Variants in KRT79 observed in about 807,000 individuals in gnomAD.
KRT79 encodes the protein keratin 79.
A neutral mutation model predicts 49.0 loss-of-function variants in KRT79; 51 were observed. The ratio of observed to expected loss-of-function variants is 1.04; its 90% CI spans 0.83 to 1.31. The LOEUF (loss-of-function observed/expected upper bound fraction) is 1.31, where lower values mean the gene tolerates loss of function less well. KRT79 is among the 40% of genes most tolerant of loss of function. The probability of loss-of-function intolerance (pLI) is 0.00; values close to 1 mark genes in which losing one functional copy is unlikely to be tolerated. For missense variants in KRT79, 728 were observed against 688.0 expected, an observed-to-expected ratio of 1.06 and a Z score of -0.65; for synonymous variants, 312 against 286.6, an observed-to-expected ratio of 1.09 and a Z score of -0.90.
rs74096642 is a variant in KRT79, at chr12:52,821,995, C to T, written c.1485G>A (p.Gly495=). The change falls in exon 9 of 9, where the codon GGG becomes GGA. Residue 495 remains glycine, a synonymous_variant. Transcript: ENST00000330553. The part of the protein sequence containing the change: ...GGGISLGGSG[G]ATKGGFSTNV... ...TTGTGCTGAATCCACCCTTGGTGGC[C>T]CCCCCACTCCCACCCAGGGAGATGC... 6,152 of 1,614,134 alleles carry T rather than the reference C, an allele frequency of 3.8e-3. 189 individuals are homozygous for T. The African/African-American group carries it at 0.071, about 19-fold the overall frequency.
At chr12:52,823,701 T>C (rs140920440) in intron 6 of KRT79, among the ~76,000 whole-genome samples, 186 bp downstream of exon 6, 90 of 152,316 alleles carry the variant, frequency 5.9e-4, no homozygotes, top group African/African-American at 2.1e-3. Context: ...ATATACCATG[T>C]GACGTTGGAC....
rs144457817 is a variant in KRT79 at position 52,834,196 on chromosome 12, C to T, written c.65G>A (p.Ser22Asn). ...TKGGFSSNSA[S>N]GGSGSQARTS... ...GCGGGCCTGGGACCCACTCCCTCCG[C>T]TGGCAGAGTTGGAGCTGAAGCCCCC... The change falls in exon 1 of 9, where the codon AGC becomes AAC. Residue 22 changes from serine to asparagine, a missense_variant. By Grantham distance (46) the Ser-to-Asn change is conservative. Coordinates refer to ENST00000330553, the MANE Select transcript of KRT79 (RefSeq NM_175834.3). The T allele has an allele frequency of 1.7e-5, 28 of 1,613,804 alleles. No individual in the cohort carries two copies. The highest frequency in any genetic ancestry group is 2.3e-5 in the Non-Finnish European group (27 of 1,180,022).
chr12:52,834,035 C>A lies in KRT79; in HGVS notation c.226G>T (p.Ala76Ser). 6.2e-7 allele frequency: 1 copy of A among 1,613,528 alleles called. No individual in the cohort carries two copies. The highest frequency in any genetic ancestry group is 1.1e-5 in the South Asian group (1 of 91,034). Residue 76 changes from alanine to serine, a missense_variant, in exon 1 of 9, where the codon GCC (alanine) becomes TCC (serine). Coordinates refer to ENST00000330553, the MANE Select transcript of KRT79 (RefSeq NM_175834.3). ...GCCCGCCCCAACAAGGCCCCTCCGG[C>A]CACACTGACAGAGATACTCTTGTGG... ...GGHKSISVSV[A>S]GGALLGRALG...
chr12:52,828,453 A>G (rs1434212963), intron 4 of KRT79, among the ~76,000 whole-genome samples: 1 of 152,232 alleles, frequency 6.6e-6, no homozygotes, highest in Non-Finnish European at 1.5e-5. Context: ...AAATACCTAG[A>G]CTGAAAGTTT....
chr12:52,831,074 A>G (rs937496990), intron 2 of KRT79, among the ~76,000 whole-genome samples: 1 of 137,836 alleles, frequency 7.3e-6, no homozygotes, highest in Non-Finnish European at 1.5e-5. Flanking sequence ...AGGCAAAGGT[A>G]AAAAAAAAAG....
At chr12:52,830,410 G>A in intron 2 of KRT79, 118 bp from the exon 3 acceptor site, 1 of 789,918 alleles carries the variant, frequency 1.3e-6, no homozygotes, top group Non-Finnish European at 2.2e-6. Flanking sequence ...CACCTCTGGG[G>A]AGCAGTTCTT....
Position 52,821,819 on chromosome 12 carries a change from T to G in KRT79, c.*53A>C. 1 of 1,506,760 alleles carries G rather than the reference T, an allele frequency of 6.6e-7. No individual in the cohort carries two copies. The highest frequency in any genetic ancestry group is 9.1e-7 in the Non-Finnish European group (1 of 1,093,314). The allele number at this position is 1,506,760 out of a possible 1,614,324, so 93.3% of individuals were successfully genotyped here. Reference sequence around the variant, plus strand: ...AAGTGACTGGAAAGGACAGCAGAGGTGGGGTGAGGAGGGCAGGGACAGGAT... The same window carrying G: ...AAGTGACTGGAAAGGACAGCAGAGGGGGGGTGAGGAGGGCAGGGACAGGAT... On this transcript the variant is annotated 3_prime_UTR_variant, in exon 9 of 9. Transcript: ENST00000330553.
In KRT79 at chr12:52,823,915, T is replaced by C; in HGVS notation, c.1118A>G (p.Gln373Arg). 1 of 1,613,858 alleles carries C rather than the reference T, an allele frequency of 6.2e-7. No individual in the cohort carries two copies. The highest frequency in any genetic ancestry group is 8.5e-7 in the Non-Finnish European group (1 of 1,179,968). Residue 373 changes from glutamine to arginine, a missense_variant, in exon 6 of 9, where the codon CAG becomes CGG. Coordinates refer to ENST00000330553, the MANE Select transcript of KRT79 (RefSeq NM_175834.3). The stretch of plus-strand genomic sequence containing the variant: ...CTTCTTGGCTGCATCAGCCTCCCCC[T>C]GCAGCCTCTGGATAGTGCGGGTGAG... Reference protein sequence around the residue: ...AELTRTIQRLQGEADAAKKQC... With the variant: ...AELTRTIQRLRGEADAAKKQC...
chr12:52,831,783 T>C (rs1940260083), intron 1 of KRT79, among the ~76,000 whole-genome samples, 157 bp from the exon 2 acceptor site: 1 of 152,152 alleles, frequency 6.6e-6, no homozygotes, highest in Admixed American at 6.5e-5. Flanking sequence ...CTTAGGGGAA[T>C]AGACTGCTGG....
rs1389229198 is a variant in KRT79 at position 52,822,366 on chromosome 12, A to G, written c.1381T>C (p.Cys461Arg). 3 of 1,601,916 alleles carry G rather than the reference A, an allele frequency of 1.9e-6. No individual in the cohort carries two copies. Among genetic ancestry groups the G allele is most frequent in the Non-Finnish European group, 2.6e-6 (3 of 1,173,544 alleles). The change falls in exon 8 of 9, where the codon TGT becomes CGT. Residue 461 changes from cysteine (C) to arginine (R), a missense_variant. By Grantham distance (180) the Cys-to-Arg change is radical (BLOSUM62 -3). Coordinates refer to ENST00000330553, the MANE Select transcript of KRT79 (RefSeq NM_175834.3). ...ESEESRMSGE[C>R]PSAVSISVTG... is the part of the protein sequence containing the mutation. ...TCACAAATGCTGACTGCACTGGGAC[A>G]TTCTCCAGACATCCTAGGGGACACA...
At chr12:52,823,315 T>A (rs1044585849) in intron 6 of KRT79, 79 bp from the exon 7 acceptor site, 8 of 1,178,338 alleles carry the variant, frequency 6.8e-6, no homozygotes, top group Non-Finnish European at 9.9e-6. Flanking sequence ...CATGGAGACA[T>A]CATCATTCCC....
intron 4 of KRT79, among the ~76,000 whole-genome samples, chr12:52,826,641 G>A (rs571934119): frequency 6.1e-4 from 93 of 152,234 alleles, no homozygotes; most frequent in Non-Finnish European, 9.3e-4. Flanking sequence ...GGGAAAGACA[G>A]TGGAGACTTC....
chr12:52,832,731 ATTGTGAGCAGTAACAACTC>A (rs1940272727), intron 1 of KRT79, among the ~76,000 whole-genome samples: 1 of 152,080 alleles, frequency 6.6e-6, no homozygotes. Context: ...AGGTGTGCCT[ATTGTGAGCAGTAACAACTC>A]TTAGTGCCAA....
intron 6 of KRT79, among the ~76,000 whole-genome samples, 183 bp downstream of exon 6, chr12:52,823,704 C>T (rs187011297): frequency 4.6e-5 from 7 of 152,316 alleles, no homozygotes; most frequent in African/African-American, 9.6e-5. Context: ...TACCATGTGA[C>T]GTTGGACAAG....
At chr12:52,829,274 T>TC (rs1940216231) in intron 4 of KRT79, among the ~76,000 whole-genome samples, 1 of 152,132 alleles carries the variant, frequency 6.6e-6, no homozygotes, top group African/African-American at 2.4e-5. Flanking sequence ...TACCCACGCC[T>TC]CACCTTCTAC....
chr12:52,823,027 G>A lies in KRT79; in HGVS notation c.1356C>T (p.Ser452=), dbSNP rs1392147616. 10 of 1,613,816 alleles carry A rather than the reference G, an allele frequency of 6.2e-6. No individual in the cohort carries two copies. Among genetic ancestry groups the A allele is most frequent in the East Asian group, 4.5e-5 (2 of 44,868 alleles). ...GGAGGGGCCACCACCTGCTCTCCTC[G>A]CTCTCCAGAAGCTTGCGGTAGGTGG... ...EIATYRKLLE[S]EESRMSGECP... is the part of the protein sequence containing the mutation. The change falls in exon 7 of 9, where the codon AGC becomes AGT. Residue 452 remains serine (S), a synonymous_variant. Transcript: ENST00000330553.
chr12:52,824,262 T>C lies in KRT79; in HGVS notation c.956A>G (p.Lys319Arg). The change falls in exon 5 of 9, where the codon AAG becomes AGG. Residue 319 changes from lysine to arginine, a missense_variant. By Grantham distance (26) the Lys-to-Arg change is conservative (BLOSUM62 2). Transcript: ENST00000330553. ...LDLDSIIAEV[K>R]AQYELIAQRS... ...CTGGGCAATCAGCTCATACTGGGCCTTGACCTCGGCGATGATGCTGTCCAG... is the reference window on the plus strand; with the variant it reads ...CTGGGCAATCAGCTCATACTGGGCCCTGACCTCGGCGATGATGCTGTCCAG... 1 of 1,614,258 alleles carries C rather than the reference T, an allele frequency of 6.2e-7. No homozygotes were observed. The highest frequency in any genetic ancestry group is 8.5e-7 in the Non-Finnish European group (1 of 1,180,052).
Position 52,834,255 on chromosome 12 carries a change from C to T in KRT79, c.6G>A (p.Arg2=). M[R]SSVSRQTYST... is the part of the protein sequence containing the mutation. ...AGTATGTTTGCCGAGAGACGGAGGA[C>T]CTCATAGCTGCAGAGGGGCCGGAGG... Residue 2 remains arginine (R), a synonymous_variant, in exon 1 of 9, where the codon AGG becomes AGA. Coordinates refer to ENST00000330553, the MANE Select transcript of KRT79 (RefSeq NM_175834.3). 1.2e-6 allele frequency: 2 copies of T among 1,612,516 alleles called. No individual in the cohort carries two copies. Among genetic ancestry groups the T allele is most frequent in the Non-Finnish European group, 1.7e-6 (2 of 1,179,562 alleles).
chr12:52,826,780 G>A (rs1440216801), intron 4 of KRT79, among the ~76,000 whole-genome samples: 1 of 152,122 alleles, frequency 6.6e-6, no homozygotes. Flanking sequence ...GACACCCAGT[G>A]ATAGGTGGTT....
Sources: gnomAD v4.1 joint callset for allele counts (sites outside exome capture counted in the v4.1 genomes callset) on GRCh38, gnomAD v4.1.1 for gene constraint, MANE v1.5 for transcripts, NCBI Gene and HGNC (gene_info 2026-07-23, HGNC 2026-07-21) for gene names.